The following PAK3 variants were observed in gnomAD, a reference collection of about 807,000 sequenced individuals.
PAK3 encodes serine/threonine-protein kinase PAK 3.
In PAK3, 4 loss-of-function variants were observed where a neutral mutation model predicts 41.0. That is an observed-to-expected ratio of 0.10 (90% confidence interval 0.05 to 0.22). PAK3 has a LOEUF of 0.22. Among genes scored for constraint, PAK3 ranks in the 10% least tolerant of loss-of-function variants. The pLI is 1.00. For synonymous variants in PAK3, 146 were observed against 139.6 expected (o/e 1.05, Z -0.32); for missense variants, 205 against 409.9 (o/e 0.50, Z 4.32).
intron 1 of PAK3, among the ~76,000 whole-genome samples, chrX:111,055,461 T>A (rs2092597134): frequency 8.9e-6 from 1 of 112,259 alleles, no homozygotes; most frequent in African/African-American, 3.2e-5. Context: ...CTAATGTGGG[T>A]CCCACATCAA....
intron 11 of PAK3, among the ~76,000 whole-genome samples, chrX:111,179,960 G>C (rs2094447774): frequency 9.0e-6 from 1 of 110,646 alleles, no homozygotes; most frequent in Non-Finnish European, 1.9e-5. Flanking sequence ...GTTTCACCAT[G>C]TTGGCCAGGC....
chrX:111,171,171 C>T (rs2094334904), intron 10 of PAK3, among the ~76,000 whole-genome samples: 1 of 110,987 alleles, frequency 9.0e-6, no homozygotes, highest in African/African-American at 3.3e-5. Flanking sequence ...ATAGCAGTGG[C>T]CATGGGCATA....
chrX:111,006,159 A>AT (rs2091919879), intron 1 of PAK3, among the ~76,000 whole-genome samples: 1 of 112,188 alleles, frequency 8.9e-6, no homozygotes, highest in South Asian at 3.7e-4. Flanking sequence ...GGGCCACAGC[A>AT]TTGGTACTTT....
Position 111,209,047 on chromosome X carries a change from G to T in PAK3, c.1408-7374G>T, listed in dbSNP as rs1264915391. Among the ~76,000 whole-genome samples the T allele has an allele frequency of 5.4e-5, 6 of 110,626 alleles. No individual in the cohort carries two copies. In the South Asian group the frequency reaches 2.4e-3, roughly 43 times the overall value. ...CCCTTTGTTCCCCATTTCCAAACAG[G>T]TAGAGAATGATTGACCTCAAGAGGA... On this transcript the variant is annotated intron_variant, in intron 16 of 17. Coordinates refer to ENST00000372007, the MANE Select transcript of PAK3 (RefSeq NM_002578.5).
chrX:111,052,918 C>T (rs779038910), intron 1 of PAK3, among the ~76,000 whole-genome samples: 41 of 111,859 alleles, frequency 3.7e-4, no homozygotes, highest in African/African-American at 1.2e-3. Context: ...TATCATATAC[C>T]GTTATTAAAT....
chrX:111,106,644 C>T (rs1303237550), intron 4 of PAK3, among the ~76,000 whole-genome samples: 1 of 111,665 alleles, frequency 9.0e-6, no homozygotes, highest in Non-Finnish European at 1.9e-5. Context: ...CCCCTCCCAT[C>T]CCAATAGCCC....
chrX:110,971,095 T>C (rs186083805), intron 1 of PAK3, among the ~76,000 whole-genome samples: 1 of 112,430 alleles, frequency 8.9e-6, no homozygotes, highest in Admixed American at 9.4e-5. Context: ...CAGCTTGAGA[T>C]AAGATTCACA....
rs1213859006 is a variant in PAK3 at position 110,986,428 on chromosome X, G to C, written c.-28+41800G>C. The stretch of plus-strand genomic sequence containing the variant: ...GAGAATGAAAAAATAAAAGAAGAGA[G>C]GGAAAACACAGCATAATCCTCATTG... On this transcript the variant is annotated intron_variant, in intron 1 of 14. Coordinates refer to the PAK3 transcript ENST00000425146. 4.5e-5 allele frequency among the ~76,000 whole-genome samples: 5 copies of C among 111,765 alleles called. No homozygotes were observed. The East Asian group carries it at 1.4e-3, about 31-fold the overall frequency.
In PAK3 at chrX:111,225,518, G is replaced by T. The variant is rs2094948620; in HGVS notation, c.*5071G>T. 1 of 112,003 alleles carries T rather than the reference G, an allele frequency of 8.9e-6. No individual in the cohort carries two copies. The highest frequency in any genetic ancestry group is 1.9e-5 in the Non-Finnish European group (1 of 53,281). The allele number at this position is 112,003 out of a possible 1,213,427, so 9.2% of individuals were successfully genotyped here. On this transcript the variant is annotated 3_prime_UTR_variant, in exon 18 of 18. Transcript: ENST00000372007. Reference sequence around the variant, plus strand: ...TCCCATAATACCAGCAGTAAGCCTGGCAACATGTTCAACAGATTTAGTACC... The same window carrying T: ...TCCCATAATACCAGCAGTAAGCCTGTCAACATGTTCAACAGATTTAGTACC...
intron 6 of PAK3, among the ~76,000 whole-genome samples, chrX:111,145,363 CTATT>C (rs757069319): frequency 2.3e-3 from 254 of 112,125 alleles, no homozygotes; most frequent in Non-Finnish European, 2.8e-3. Context: ...GATCATAAAA[CTATT>C]TATCACAAAA....
At chrX:111,147,109 G>A (rs1488506123) in intron 6 of PAK3, among the ~76,000 whole-genome samples, 1 of 110,750 alleles carries the variant, frequency 9.0e-6, no homozygotes, top group East Asian at 2.8e-4. Flanking sequence ...CAGGGGAAAT[G>A]CCCAAAGCAG....
At chrX:111,004,220 G>A (rs914863146) in intron 1 of PAK3, among the ~76,000 whole-genome samples, 1 of 111,738 alleles carries the variant, frequency 8.9e-6, no homozygotes, top group Non-Finnish European at 1.9e-5. Context: ...AAGAATTTGG[G>A]GCTTTTATTC....
At position 111,152,534 on chromosome X, in the gene PAK3, A is replaced by G. The variant is rs778930078; in HGVS notation, c.468+87A>G. On this transcript the variant is annotated intron_variant, in intron 8 of 17. Coordinates refer to ENST00000372007, the MANE Select transcript of PAK3 (RefSeq NM_002578.5). The stretch of plus-strand genomic sequence containing the variant: ...AACTGCACAGATCCAGTTTTTAGAT[A>G]TAAAGTCTTTTAAAAACAATTTTAA... 13 of 654,622 alleles carry G rather than the reference A, an allele frequency of 2.0e-5. No individual in the cohort carries two copies. In the South Asian group the frequency reaches 2.4e-4, roughly 12 times the overall value. The allele number at this position is 654,622 out of a possible 1,213,427, so 53.9% of individuals were successfully genotyped here.
intron 1 of PAK3, among the ~76,000 whole-genome samples, chrX:111,061,718 G>A (rs2092657400): frequency 9.0e-6 from 1 of 111,322 alleles, no homozygotes; most frequent in Admixed American, 9.5e-5. Context: ...CTTTTTTGCT[G>A]TTATAAATGA....
At position 110,998,474 on chromosome X, in the gene PAK3, G is replaced by C. The variant is rs958901151; in HGVS notation, c.-28+53846G>C. Among the ~76,000 whole-genome samples the C allele has an allele frequency of 2.7e-5, 3 of 112,213 alleles. No individual in the cohort carries two copies. In the Admixed American group the frequency reaches 2.8e-4, roughly 11 times the overall value. On this transcript the variant is annotated intron_variant, in intron 1 of 14. Coordinates refer to the PAK3 transcript ENST00000425146. ...GTCACTGGTGATCTTGATCAGAGCA[G>C]TGATAAAAGTGAGTTCAAGAGAGAA...
chrX:111,144,097 GCAGCAC>G (rs1056128007), intron 6 of PAK3, among the ~76,000 whole-genome samples: 3 of 111,637 alleles, frequency 2.7e-5, no homozygotes, highest in Non-Finnish European at 5.7e-5. Flanking sequence ...CTTGCTGACT[GCAGCAC>G]CAGTCATTTT....
At chrX:111,148,149 G>A (rs918625073) in intron 7 of PAK3, among the ~76,000 whole-genome samples, 2 of 111,563 alleles carry the variant, frequency 1.8e-5, no homozygotes, top group African/African-American at 6.5e-5. Flanking sequence ...CACAATTGTT[G>A]TCTCTTTACT....
chrX:111,146,455 C>T, intron 6 of PAK3: 1 of 738,026 alleles, frequency 1.4e-6, no homozygotes, highest in East Asian at 3.5e-5. Flanking sequence ...CATCTCCTCC[C>T]ACCTTCTAAG....
At chrX:111,146,029 A>G (rs1013514415) in intron 6 of PAK3, among the ~76,000 whole-genome samples, 2 of 111,994 alleles carry the variant, frequency 1.8e-5, no homozygotes, top group Non-Finnish European at 3.8e-5. Context: ...CATCCTTTGA[A>G]TTTTAGCCAC....
Sources: gnomAD v4.1 joint callset for allele counts (sites outside exome capture counted in the v4.1 genomes callset) on GRCh38, gnomAD v4.1.1 for gene constraint, MANE v1.5 for transcripts, NCBI Gene and HGNC (gene_info 2026-07-23, HGNC 2026-07-21) for gene names.